KLHL1: variants seen among roughly 807,000 people sequenced by gnomAD.
The protein encoded by KLHL1 is kelch-like protein 1.
Under a neutral mutation model 77.7 loss-of-function variants are expected in KLHL1, and 47 were observed. That is an observed-to-expected ratio of 0.60 (90% CI 0.48 to 0.77). KLHL1 has a LOEUF of 0.77. Among genes scored for constraint, KLHL1 ranks in the 30% least tolerant of loss-of-function variants. The pLI, the probability that KLHL1 is intolerant of heterozygous loss-of-function variation, is 0.00. For missense variants in KLHL1, 925 were observed against 910.8 expected (o/e 1.02, Z -0.20); for synonymous variants, 360 against 325.2 (o/e 1.11, Z -1.15).
At chr13:69,934,468 T>C (rs1478366146) in intron 4 of KLHL1, among the ~76,000 whole-genome samples, 1 of 152,138 alleles carries the variant, frequency 6.6e-6, no homozygotes, top group Non-Finnish European at 1.5e-5. Flanking sequence ...AAACAAATTA[T>C]GTGAGTGGGT....
intron 9 of KLHL1, among the ~76,000 whole-genome samples, chr13:69,714,893 C>A (rs543905637): frequency 6.6e-6 from 1 of 152,066 alleles, no homozygotes; most frequent in Non-Finnish European, 1.5e-5. Flanking sequence ...TGCACCCGGC[C>A]GATATCCTTC....
chr13:70,017,646 A>G (rs756541721), intron 1 of KLHL1, among the ~76,000 whole-genome samples: 37 of 152,364 alleles, frequency 2.4e-4, no homozygotes, highest in African/African-American at 8.7e-4. Flanking sequence ...CCCAGCAGGT[A>G]TGAGCAATAC....
At chr13:69,716,199 T>C (rs1876113759) in intron 9 of KLHL1, among the ~76,000 whole-genome samples, 1 of 152,180 alleles carries the variant, frequency 6.6e-6, no homozygotes, top group Admixed American at 6.6e-5. Context: ...TATCAATTCA[T>C]TTGTCTGTAT....
chr13:70,032,005 T>C (rs1886113891), intron 1 of KLHL1, among the ~76,000 whole-genome samples: 1 of 152,172 alleles, frequency 6.6e-6, no homozygotes, highest in African/African-American at 2.4e-5. Context: ...GGGTGAATCC[T>C]GATTATGTCA....
At chr13:69,711,703 C>T (rs1435293470) in intron 9 of KLHL1, among the ~76,000 whole-genome samples, 1 of 151,932 alleles carries the variant, frequency 6.6e-6, no homozygotes, top group Non-Finnish European at 1.5e-5. Flanking sequence ...TGTACGTATG[C>T]ATTTCTAAAG....
intron 4 of KLHL1, among the ~76,000 whole-genome samples, chr13:69,913,368 T>C (rs1430663437): frequency 3.3e-5 from 5 of 152,146 alleles, no homozygotes; most frequent in Admixed American, 2.6e-4. Flanking sequence ...CACTAGCACC[T>C]GCACTACCAT....
intron 6 of KLHL1, among the ~76,000 whole-genome samples, chr13:69,829,375 T>A (rs1407687210): frequency 6.7e-6 from 1 of 149,930 alleles, no homozygotes; most frequent in Non-Finnish European, 1.5e-5. Flanking sequence ...GGAAGCTCCA[T>A]CCAAAGGGGA....
chr13:70,019,866 T>A (rs1189105939), intron 1 of KLHL1, among the ~76,000 whole-genome samples: 1 of 152,144 alleles, frequency 6.6e-6, no homozygotes, highest in East Asian at 1.9e-4. Flanking sequence ...GTATATGGCT[T>A]TTGGGAGGTG....
intron 4 of KLHL1, among the ~76,000 whole-genome samples, chr13:69,932,533 TG>T (rs1326992915): frequency 1.3e-5 from 2 of 151,928 alleles, no homozygotes; most frequent in Non-Finnish European, 2.9e-5. Context: ...TAAGTTTAAA[TG>T]TGTGTTTACA....
chr13:70,060,576 G>A (rs868328380), intron 1 of KLHL1, among the ~76,000 whole-genome samples: 4 of 152,064 alleles, frequency 2.6e-5, no homozygotes, highest in African/African-American at 9.7e-5. Context: ...CAGGTGCATG[G>A]CTCATGCCTG....
At chr13:69,756,866 G>A (rs1319159788) in intron 7 of KLHL1, among the ~76,000 whole-genome samples, 1 of 152,106 alleles carries the variant, frequency 6.6e-6, no homozygotes, top group Non-Finnish European at 1.5e-5. Flanking sequence ...CCTTTGTCCT[G>A]CACTGGCTAG....
chr13:70,046,045 A>G (rs1164927458), intron 1 of KLHL1, among the ~76,000 whole-genome samples: 1 of 152,172 alleles, frequency 6.6e-6, no homozygotes, highest in Non-Finnish European at 1.5e-5. Context: ...TAAAATGCGA[A>G]GTGGACATCA....
chr13:69,885,486 C>T (rs1034266312), intron 4 of KLHL1, among the ~76,000 whole-genome samples: 1 of 151,650 alleles, frequency 6.6e-6, no homozygotes, highest in Non-Finnish European at 1.5e-5. Flanking sequence ...TTTATTTTTC[C>T]ATCAAGCCTC....
intron 1 of KLHL1, among the ~76,000 whole-genome samples, chr13:70,101,944 A>G (rs1887932387): frequency 7.3e-6 from 1 of 137,594 alleles, no homozygotes. Context: ...ACCTAGGATA[A>G]AGTAGCAAAA....
At chr13:70,040,579 C>T (rs1027896065) in intron 1 of KLHL1, among the ~76,000 whole-genome samples, 15 of 152,098 alleles carry the variant, frequency 9.9e-5, no homozygotes, top group Non-Finnish European at 1.5e-4. Context: ...CACTATCATC[C>T]GAATTGTTTT....
chr13:69,764,422 T>C (rs1875169167), intron 7 of KLHL1, among the ~76,000 whole-genome samples: 1 of 152,212 alleles, frequency 6.6e-6, no homozygotes, highest in Non-Finnish European at 1.5e-5. Context: ...AATCATTCTT[T>C]ATTCAATTAA....
chr13:69,855,252 G>T (rs1879840636), intron 5 of KLHL1, among the ~76,000 whole-genome samples: 1 of 151,696 alleles, frequency 6.6e-6, no homozygotes, highest in Admixed American at 6.6e-5. Context: ...TGCCAGAACG[G>T]CTGCTGGACT....
chr13:69,948,657 C>T (rs865802888), intron 3 of KLHL1, among the ~76,000 whole-genome samples: 1 of 151,804 alleles, frequency 6.6e-6, no homozygotes, highest in Admixed American at 6.6e-5. Flanking sequence ...ACTGCATTGA[C>T]ATAAAAATAT....
rs1166246234 is a variant in KLHL1 at position 69,925,509 on chromosome 13, T to G, written c.1014+14531A>C. 3.3e-5 allele frequency among the ~76,000 whole-genome samples: 5 copies of G among 152,156 alleles called. No individual in the cohort carries two copies. The East Asian group carries it at 9.6e-4, about 29-fold the overall frequency. ...ATGCAGCTCTTATAAATAAGACACATATATGACAGTATCACTAATATCACA... is the reference window on the plus strand; with the variant it reads ...ATGCAGCTCTTATAAATAAGACACAGATATGACAGTATCACTAATATCACA... On this transcript the variant is annotated intron_variant, in intron 4 of 10. Transcript: ENST00000377844.
Sources: allele counts gnomAD v4.1 joint callset (sites outside exome capture counted in the v4.1 genomes callset), GRCh38; gene constraint gnomAD v4.1.1; transcripts MANE v1.5; gene names NCBI Gene and HGNC (gene_info 2026-07-23, HGNC 2026-07-21).